The following MBOAT1 variants were observed in gnomAD, a reference collection of about 807,000 sequenced individuals.
MBOAT1 encodes the protein membrane bound glycerophospholipid O-acyltransferase 1.
In MBOAT1, 67 loss-of-function variants were observed where a neutral mutation model predicts 64.4. That is an observed-to-expected ratio of 1.04 (90% CI 0.85 to 1.27). MBOAT1 has a LOEUF of 1.27. Ranked by LOEUF, MBOAT1 falls within the 50% of genes most tolerant of loss-of-function variation. The pLI, the probability that MBOAT1 is intolerant of heterozygous loss-of-function variation, is 0.00. For synonymous variants in MBOAT1, 229 were observed against 218.9 expected (o/e 1.05, Z -0.41); for missense variants, 563 against 604.6 (o/e 0.93, Z 0.72).
chr6:20,117,198 C>T (rs1434315660), intron 9 of MBOAT1, among the ~76,000 whole-genome samples: 2 of 152,172 alleles, frequency 1.3e-5, no homozygotes, highest in Non-Finnish European at 2.9e-5. Flanking sequence ...CATGCTCCTA[C>T]AGCATCTGCC....
chr6:20,150,031 G>A (rs1171630385), intron 3 of MBOAT1, among the ~76,000 whole-genome samples: 2 of 152,144 alleles, frequency 1.3e-5, no homozygotes, highest in Admixed American at 6.5e-5. Context: ...AAGAGAGAGA[G>A]AGAAATCTTT....
intron 4 of MBOAT1, among the ~76,000 whole-genome samples, chr6:20,138,939 G>C (rs138731134): frequency 2.6e-5 from 4 of 152,078 alleles, no homozygotes; most frequent in African/African-American, 4.8e-5. Flanking sequence ...GGTGACTGAC[G>C]GCAACCCTTG....
intron 1 of MBOAT1, among the ~76,000 whole-genome samples, chr6:20,163,669 C>A: frequency 6.6e-6 from 1 of 152,222 alleles, no homozygotes; most frequent in Non-Finnish European, 1.5e-5. Context: ...ACTGGAGCCC[C>A]GAGCCAGTAC....
intron 1 of MBOAT1, among the ~76,000 whole-genome samples, chr6:20,168,528 A>AAGAGGAGAGGAGAGG (rs748574504): frequency 7.2e-5 from 5 of 69,722 alleles, no homozygotes; most frequent in African/African-American, 1.3e-4. Context: ...GAGAGGAGAG[A>AAGAGGAGAGGAGAGG]AGAGGAGAGG....
At chr6:20,187,128 G>A (rs1290664883) in intron 1 of MBOAT1, among the ~76,000 whole-genome samples, 5 of 152,124 alleles carry the variant, frequency 3.3e-5, no homozygotes, top group South Asian at 2.1e-4. Context: ...ATGTTTAAAC[G>A]CCGACCAACA....
intron 4 of MBOAT1, among the ~76,000 whole-genome samples, chr6:20,143,498 C>A (rs1002114878): frequency 6.6e-6 from 1 of 152,198 alleles, no homozygotes; most frequent in East Asian, 1.9e-4. Flanking sequence ...TATTAACTAG[C>A]GAGAGATGAA....
chr6:20,116,678 C>G lies in MBOAT1; in HGVS notation c.1012-1326G>C, dbSNP rs763227921. On this transcript the variant is annotated intron_variant, in intron 9 of 12. Transcript: ENST00000324607. ...GGGTGTCTTAAACCAATCAGACTTC[C>G]TTGTTTTTCTTTAGCTCCTTATTCT... Among the ~76,000 whole-genome samples, 87 of 152,278 alleles carry G rather than the reference C, an allele frequency of 5.7e-4. No homozygotes were observed. The Middle Eastern group carries it at 0.017, about 30-fold the overall frequency.
At chr6:20,163,497 C>T (rs145512786) in intron 1 of MBOAT1, among the ~76,000 whole-genome samples, 51 of 152,222 alleles carry the variant, frequency 3.4e-4, no homozygotes, top group Middle Eastern at 3.4e-3. Context: ...TTTGAGGCTT[C>T]CATTTTACAG....
intron 8 of MBOAT1, among the ~76,000 whole-genome samples, chr6:20,123,210 A>G (rs1760545550): frequency 6.6e-6 from 1 of 152,222 alleles, no homozygotes; most frequent in African/African-American, 2.4e-5. Flanking sequence ...TGAAGGATGA[A>G]CTGAGAGAGA....
intron 1 of MBOAT1, among the ~76,000 whole-genome samples, chr6:20,204,714 T>C (rs1041895321): frequency 6.6e-6 from 1 of 151,964 alleles, no homozygotes; most frequent in Non-Finnish European, 1.5e-5. Context: ...AGACACACTG[T>C]GTTTGAGGGA....
chr6:20,191,453 A>G lies in MBOAT1; in HGVS notation c.99+20683T>C, dbSNP rs142961417. Among the ~76,000 whole-genome samples, 5 of 152,238 alleles carry G rather than the reference A, an allele frequency of 3.3e-5. No homozygotes were observed. The East Asian group carries it at 5.8e-4, about 18-fold the overall frequency. On this transcript the variant is annotated intron_variant, in intron 1 of 12. Transcript: ENST00000324607. ...CCGCTTCCTCCAACAATGTCTCCTC[A>G]TAAGAAATAGGTTCAAGGCCACACT... is the stretch of plus-strand genomic sequence containing the variant.
chr6:20,207,868 A>C (rs372132995), intron 1 of MBOAT1, among the ~76,000 whole-genome samples: 120 of 152,360 alleles, frequency 7.9e-4, no homozygotes, highest in African/African-American at 2.8e-3. Flanking sequence ...CAGGTCTGTG[A>C]GCATACACAG....
At chr6:20,199,771 C>A (rs1271138948) in intron 1 of MBOAT1, among the ~76,000 whole-genome samples, 1 of 152,124 alleles carries the variant, frequency 6.6e-6, no homozygotes, top group Non-Finnish European at 1.5e-5. Context: ...AGTTTGAGAC[C>A]AGCCTGGCCA....
chr6:20,159,588 A>G (rs566642954), intron 1 of MBOAT1, among the ~76,000 whole-genome samples: 1 of 152,280 alleles, frequency 6.6e-6, no homozygotes, highest in East Asian at 1.9e-4. Context: ...TCGAAAAAGC[A>G]GAGAGTTTAA....
intron 12 of MBOAT1, among the ~76,000 whole-genome samples, chr6:20,106,586 C>A (rs1053078928): frequency 1.3e-5 from 2 of 152,182 alleles, no homozygotes; most frequent in Admixed American, 1.3e-4. Context: ...CCATGCCCAG[C>A]TACTTTTTTG....
chr6:20,171,055 G>T (rs1400714137), intron 1 of MBOAT1, among the ~76,000 whole-genome samples: 1 of 152,134 alleles, frequency 6.6e-6, no homozygotes, highest in Admixed American at 6.5e-5. Flanking sequence ...TCTTTATTCT[G>T]TAGGAAATAT....
intron 1 of MBOAT1, among the ~76,000 whole-genome samples, chr6:20,160,812 A>G (rs1761831503): frequency 1.3e-5 from 2 of 152,196 alleles, no homozygotes; most frequent in South Asian, 4.1e-4. Flanking sequence ...TACACTTTCA[A>G]AGGGATCCTT....
intron 4 of MBOAT1, among the ~76,000 whole-genome samples, chr6:20,140,934 A>G (rs1402746783): frequency 6.6e-6 from 1 of 152,168 alleles, no homozygotes; most frequent in Non-Finnish European, 1.5e-5. Context: ...GCCAGCTACA[A>G]ACACTCTGTG....
intron 3 of MBOAT1, among the ~76,000 whole-genome samples, chr6:20,148,625 A>T (rs1316254069): frequency 6.6e-6 from 1 of 152,156 alleles, no homozygotes; most frequent in African/African-American, 2.4e-5. Context: ...ACATATGGAG[A>T]AGTTGCATGA....
Sources: allele counts gnomAD v4.1 joint callset (sites outside exome capture counted in the v4.1 genomes callset), GRCh38; gene constraint gnomAD v4.1.1; transcripts MANE v1.5; gene names NCBI Gene and HGNC (gene_info 2026-07-23, HGNC 2026-07-21).